CCDC42: variants seen among roughly 807,000 people sequenced by gnomAD.
CCDC42 encodes the protein coiled-coil domain containing 42.
Under a neutral mutation model 40.8 loss-of-function variants are expected in CCDC42, and 38 were observed. That is an observed-to-expected ratio of 0.93 (90% CI 0.72 to 1.22). The LOEUF (loss-of-function observed/expected upper bound fraction) is 1.22. Ranked by LOEUF, CCDC42 falls within the 50% of genes most tolerant of loss-of-function variation. The pLI is 0.00. For missense variants in CCDC42, 379 were observed against 416.5 expected, an observed-to-expected ratio of 0.91 and a Z score of 0.78; for synonymous variants, 135 against 157.5, an observed-to-expected ratio of 0.86 and a Z score of 1.07.
chr17:8,740,729 G>A (rs911349600), intron 4 of CCDC42, among the ~76,000 whole-genome samples: 15 of 152,242 alleles, frequency 9.9e-5, no homozygotes, highest in East Asian at 5.8e-4. Flanking sequence ...CCTGGGCTCC[G>A]GCTACAGGGA....
intron 4 of CCDC42, among the ~76,000 whole-genome samples, chr17:8,737,533 G>A (rs112604799): frequency 6.0e-4 from 91 of 152,258 alleles, no homozygotes; most frequent in African/African-American, 2.1e-3. Flanking sequence ...ATCAAATGGT[G>A]GATGAAGGAA....
chr17:8,735,503 C>A lies in CCDC42; in HGVS notation c.601G>T (p.Ala201Ser), dbSNP rs2086605392. The change falls in exon 5 of 7, where the codon GCC becomes TCC. Residue 201 changes from alanine (A) to serine (S), a missense_variant. By Grantham distance (99) the Ala-to-Ser change is moderately conservative. Coordinates refer to ENST00000293845, the MANE Select transcript of CCDC42 (RefSeq NM_144681.3). This position sits in a 1 kb window ranked among gnomAD's most constrained non-coding sequence, Gnocchi z 4.7. ...TCCTCCATGTAGCGCGCCAGCCGGG[C>A]CTTGGCGCGCTCAATCTTCTCCTGG... ...EGQEKIERAK[A>S]RLARYMEEKD... 2.5e-6 allele frequency: 4 copies of A among 1,614,064 alleles called. No individual in the cohort carries two copies. The highest frequency in any genetic ancestry group is 3.4e-6 in the Non-Finnish European group (4 of 1,180,008).
intron 6 of CCDC42, 128 bp downstream of exon 6, chr17:8,734,968 C>G: frequency 1.0e-6 from 1 of 955,754 alleles, no homozygotes; most frequent in Non-Finnish European, 1.6e-6. Flanking sequence ...CCCAGGTGAT[C>G]CTGATGTTGT....
At chr17:8,741,733 C>T in intron 3 of CCDC42, 62 bp from the exon 4 acceptor site, 7 of 1,517,122 alleles carry the variant, frequency 4.6e-6, no homozygotes, top group Non-Finnish European at 6.3e-6. Flanking sequence ...GGGCCCAGGC[C>T]TTCCTGGGGC....
At position 8,735,412 on chromosome 17, in the gene CCDC42, G is replaced by A; in HGVS notation, c.692C>T (p.Ala231Val). Reference sequence around the variant, plus strand: ...CACCCAGAAGATGACATTGCTGCGGGCACGGTCAAAGCGCATCTGCAGCCT... The same window carrying A: ...CACCCAGAAGATGACATTGCTGCGGACACGGTCAAAGCGCATCTGCAGCCT... ...LARLQMRFDR[A>V]RSNVIFWESR... Residue 231 changes from alanine (A) to valine (V), a missense_variant, in exon 5 of 7, where the codon GCC (alanine) becomes GTC (valine). Ala to Val is a moderately conservative substitution (Grantham distance 64). Coordinates refer to ENST00000293845, the MANE Select transcript of CCDC42 (RefSeq NM_144681.3). The surrounding 1 kb of genome is among the most constrained non-coding windows in gnomAD (Gnocchi z 4.7). 1 of 1,613,974 alleles carries A rather than the reference G, an allele frequency of 6.2e-7. No individual in the cohort carries two copies. Among genetic ancestry groups the A allele is most frequent in the Non-Finnish European group, 8.5e-7 (1 of 1,180,032 alleles).
chr17:8,742,770 C>T (rs377299127), intron 3 of CCDC42, among the ~76,000 whole-genome samples: 25 of 152,350 alleles, frequency 1.6e-4, no homozygotes, highest in African/African-American at 5.5e-4. Context: ...CAACCTCAGA[C>T]GTGCTGAAAG....
intron 4 of CCDC42, among the ~76,000 whole-genome samples, chr17:8,736,572 C>G (rs1210707505): frequency 2.0e-5 from 3 of 152,222 alleles, no homozygotes; most frequent in Non-Finnish European, 4.4e-5. Context: ...ACTTCCCGAG[C>G]ACCTTCTCCA....
At chr17:8,733,797 G>A (rs2086593778) in intron 6 of CCDC42, among the ~76,000 whole-genome samples, 1 of 152,034 alleles carries the variant, frequency 6.6e-6, no homozygotes, top group Admixed American at 6.6e-5. Context: ...CCCTCCCACT[G>A]CATCTTTCTT....
In CCDC42 at chr17:8,741,454, C is replaced by A. The variant is rs181372895; in HGVS notation, c.492+20G>T. The A allele has an allele frequency of 3.7e-6, 6 of 1,611,970 alleles. No homozygotes were observed. The South Asian group carries it at 6.6e-5, about 18-fold the overall frequency. On this transcript the variant is annotated intron_variant, in intron 4 of 6. Transcript: ENST00000293845. ...GCTGAGGAAGGTGCCAGGGCCGGCC[C>A]CCCTGCTCCTTGGACTCACCTCGGA...
chr17:8,736,736 T>C (rs984692976), intron 4 of CCDC42, among the ~76,000 whole-genome samples: 9 of 151,538 alleles, frequency 5.9e-5, no homozygotes, highest in Non-Finnish European at 8.8e-5. Flanking sequence ...GTGGCTGAAA[T>C]GAGATGAGAG....
chr17:8,736,742 G>A (rs2086613656), intron 4 of CCDC42, among the ~76,000 whole-genome samples: 1 of 152,166 alleles, frequency 6.6e-6, no homozygotes, highest in Non-Finnish European at 1.5e-5. Context: ...GAAATGAGAT[G>A]AGAGGTATAT....
intron 2 of CCDC42, 108 bp from the exon 3 acceptor site, chr17:8,743,838 G>A: frequency 2.7e-6 from 2 of 731,404 alleles, no homozygotes; most frequent in South Asian, 3.2e-5. Context: ...AGGCCCAAGA[G>A]GGTCCATAGG....
At chr17:8,736,074 A>G (rs1385512510) in intron 4 of CCDC42, among the ~76,000 whole-genome samples, 1 of 152,228 alleles carries the variant, frequency 6.6e-6, no homozygotes, top group African/African-American at 2.4e-5. Flanking sequence ...CTATTCAACA[A>G]GATTGTACCA....
Position 8,744,231 on chromosome 17 carries a change from T to G in CCDC42, c.84-47A>C. The stretch of plus-strand genomic sequence containing the variant: ...GAGGGCTGTGTGTTCTGACATGGGG[T>G]AGGCTGGGGCTGGGAGTAACCCGTG... On this transcript the variant is annotated intron_variant, in intron 1 of 6. Coordinates refer to ENST00000293845, the MANE Select transcript of CCDC42 (RefSeq NM_144681.3). 3 of 1,463,714 alleles carry G rather than the reference T, an allele frequency of 2.0e-6. No individual in the cohort carries two copies. The South Asian group carries it at 3.5e-5, about 17-fold the overall frequency. 90.7% of individuals were successfully genotyped at this position (1,463,714 alleles called of 1,614,324 possible).
At chr17:8,744,447 C>A (rs1024217218) in intron 1 of CCDC42, 80 bp downstream of exon 1, 6 of 1,172,714 alleles carry the variant, frequency 5.1e-6, no homozygotes, top group Non-Finnish European at 5.0e-6. Flanking sequence ...AGGGGACAGA[C>A]GGTTGGAAGA....
At chr17:8,739,794 C>T (rs8072025) in intron 4 of CCDC42, among the ~76,000 whole-genome samples, 54,419 of 152,012 alleles carry the variant, frequency 0.36, 10,371 homozygotes, top group Non-Finnish European at 0.44. Context: ...CCACCTACCT[C>T]GGCCTCCCAA....
In CCDC42 at chr17:8,735,718, G is replaced by C; in HGVS notation, c.493-107C>G. ...GATGCCTGGACACCTGGACACCTGG[G>C]CAGGCAGGCCCTTGGCCAGGGTCAC... On this transcript the variant is annotated intron_variant, in intron 4 of 6. Transcript: ENST00000293845. This position sits in a 1 kb window ranked among gnomAD's most constrained non-coding sequence, Gnocchi z 4.7. 1.1e-6 allele frequency: 1 copy of C among 914,882 alleles called. No individual in the cohort carries two copies. Among genetic ancestry groups the C allele is most frequent in the Non-Finnish European group, 1.6e-6 (1 of 611,986 alleles). 56.7% of individuals were successfully genotyped at this position (914,882 alleles called of 1,614,324 possible). A position where few individuals can be genotyped will look rare whatever the true frequency, so the allele number is the denominator to read the frequency against.
rs1393698140 is a variant in CCDC42, at chr17:8,744,578, A to G, written c.32T>C (p.Leu11Pro). 1 of 1,612,652 alleles carries G rather than the reference A, an allele frequency of 6.2e-7. No homozygotes were observed. Among genetic ancestry groups the G allele is most frequent in the Non-Finnish European group, 8.5e-7 (1 of 1,179,958 alleles). The change falls in exon 1 of 7, where the codon CTG becomes CCG. Residue 11 changes from leucine (L) to proline (P), a missense_variant. By Grantham distance (98) the Leu-to-Pro change is moderately conservative (BLOSUM62 -3). Coordinates refer to ENST00000293845, the MANE Select transcript of CCDC42 (RefSeq NM_144681.3). The part of the protein sequence containing the change: MSLGIMEEED[L>P]AEYFRLQYGE... ...ATACTGCAGCCGGAAGTACTCGGCC[A>G]GGTCTTCCTCTTCCATGATGCCCAG...
Position 8,744,076 on chromosome 17 carries a change from C to A in CCDC42, c.189+3G>T. The A allele has an allele frequency of 6.2e-7, 1 of 1,609,888 alleles. No homozygotes were observed. The highest frequency in any genetic ancestry group is 1.1e-5 in the South Asian group (1 of 90,442). ...CCTCTGCACTCCATCCCTGAGTCCC[C>A]ACCTTCTTCTTCTGCACCATAGTTT... On this transcript the variant is annotated splice_donor_region_variant and intron_variant, in intron 2 of 6. Coordinates refer to ENST00000293845, the MANE Select transcript of CCDC42 (RefSeq NM_144681.3).
Sources: gnomAD v4.1 joint callset for allele counts (sites outside exome capture counted in the v4.1 genomes callset) on GRCh38, gnomAD v4.1.1 for gene constraint, Gnocchi (gnomAD v3.1) non-coding constraint, MANE v1.5 for transcripts, NCBI Gene and HGNC (gene_info 2026-07-23, HGNC 2026-07-21) for gene names.